Variants in EXT1 observed in about 807,000 individuals in gnomAD.
The protein encoded by EXT1 is exostosin glycosyltransferase 1.
EXT1 carries 20 observed loss-of-function variants against 82.5 expected under a neutral mutation model. The ratio of observed to expected loss-of-function variants is 0.24; its 90% CI spans 0.17 to 0.35. EXT1 has a LOEUF of 0.35. EXT1 is among the 10% of genes least tolerant of loss of function. The pLI is 1.00. For synonymous variants in EXT1, 348 were observed against 350.8 expected, an observed-to-expected ratio of 0.99 and a Z score of 0.09; for missense variants, 757 against 936.5, an observed-to-expected ratio of 0.81 and a Z score of 2.50.
chr8:117,854,807 T>C (rs1232687652), intron 1 of EXT1, among the ~76,000 whole-genome samples: 8 of 152,236 alleles, frequency 5.3e-5, no homozygotes. Context: ...CCCAGAGTTA[T>C]ATAGCCAGAG....
intron 1 of EXT1, among the ~76,000 whole-genome samples, chr8:118,017,984 A>G (rs1816031410): frequency 6.6e-6 from 1 of 152,240 alleles, no homozygotes; most frequent in Non-Finnish European, 1.5e-5. Flanking sequence ...CTTAACTGTC[A>G]AGAAGGGGAT....
intron 1 of EXT1, among the ~76,000 whole-genome samples, chr8:117,845,463 C>G (rs967060123): frequency 1.3e-5 from 2 of 151,964 alleles, no homozygotes. Context: ...CAACATGTAC[C>G]AGGTGTAGCT....
At chr8:117,973,146 TG>T (rs1814975046) in intron 1 of EXT1, among the ~76,000 whole-genome samples, 1 of 152,194 alleles carries the variant, frequency 6.6e-6, no homozygotes, top group African/African-American at 2.4e-5. Flanking sequence ...GGTGTTTCTG[TG>T]TGGAAGTGAA....
intron 1 of EXT1, among the ~76,000 whole-genome samples, chr8:117,976,270 T>C (rs527629920): frequency 1.3e-5 from 2 of 152,294 alleles, no homozygotes; most frequent in East Asian, 1.9e-4. Flanking sequence ...TTTGAGGCTA[T>C]ATAGCCAACA....
At chr8:118,038,069 A>C (rs1363594337) in intron 1 of EXT1, among the ~76,000 whole-genome samples, 2 of 151,690 alleles carry the variant, frequency 1.3e-5, no homozygotes, top group Non-Finnish European at 2.9e-5. Flanking sequence ...CAGGTGATTC[A>C]CCTGCCTCGG....
chr8:117,948,231 T>C (rs1814425029), intron 1 of EXT1, among the ~76,000 whole-genome samples: 1 of 148,688 alleles, frequency 6.7e-6, no homozygotes. Context: ...AGCAGGTTGG[T>C]CTTGCAAGGA....
At chr8:117,988,675 G>A (rs535227197) in intron 1 of EXT1, among the ~76,000 whole-genome samples, 4 of 152,238 alleles carry the variant, frequency 2.6e-5, no homozygotes, top group South Asian at 2.1e-4. Context: ...GGCCTGCAAG[G>A]TGCAGCAGGA....
At chr8:118,036,179 C>T (rs1474411766) in intron 1 of EXT1, among the ~76,000 whole-genome samples, 1 of 151,726 alleles carries the variant, frequency 6.6e-6, no homozygotes, top group Non-Finnish European at 1.5e-5. Flanking sequence ...CAGACATCTT[C>T]ACACAGATAT....
intron 1 of EXT1, among the ~76,000 whole-genome samples, chr8:117,891,342 C>T (rs542580418): frequency 7.9e-5 from 12 of 152,276 alleles, no homozygotes; most frequent in African/African-American, 2.6e-4. Flanking sequence ...TGTAAAACTC[C>T]TATCATTAAA....
At chr8:117,851,680 T>C (rs2129831978) in intron 1 of EXT1, among the ~76,000 whole-genome samples, 1 of 151,880 alleles carries the variant, frequency 6.6e-6, no homozygotes, top group African/African-American at 2.4e-5. Context: ...TGCATTTGTA[T>C]GGAGGGTGCA....
intron 1 of EXT1, among the ~76,000 whole-genome samples, chr8:117,900,611 T>C (rs1813425267): frequency 6.6e-6 from 1 of 152,192 alleles, no homozygotes. Flanking sequence ...TAAGCTGCTA[T>C]ATTTGCCAAG....
chr8:117,851,462 C>T (rs1023241539), intron 1 of EXT1, among the ~76,000 whole-genome samples: 1 of 149,878 alleles, frequency 6.7e-6, no homozygotes, highest in African/African-American at 2.4e-5. Flanking sequence ...AGTGCTTAAG[C>T]TGCCTTAAAT....
intron 1 of EXT1, among the ~76,000 whole-genome samples, chr8:118,045,224 T>C (rs535005127): frequency 6.6e-6 from 1 of 152,288 alleles, no homozygotes; most frequent in African/African-American, 2.4e-5. Flanking sequence ...TAGAAATAAA[T>C]ATACTCAGGA....
At chr8:117,862,984 G>C (rs550937351) in intron 1 of EXT1, among the ~76,000 whole-genome samples, 1 of 152,268 alleles carries the variant, frequency 6.6e-6, no homozygotes, top group East Asian at 1.9e-4. Context: ...GGTGGGAGTG[G>C]TGGAGGTGTT....
chr8:117,983,316 T>A (rs1246297291), intron 1 of EXT1, among the ~76,000 whole-genome samples: 1 of 152,068 alleles, frequency 6.6e-6, no homozygotes, highest in African/African-American at 2.4e-5. Flanking sequence ...AGATCCTGCC[T>A]TTATAAAAAA....
chr8:117,803,150 G>A (rs927694056), intron 10 of EXT1, among the ~76,000 whole-genome samples: 6 of 151,942 alleles, frequency 3.9e-5, no homozygotes, highest in African/African-American at 7.3e-5. Context: ...ATGATTTAAC[G>A]TGAGTGAATC....
At chr8:117,957,222 GT>G (rs1281592928) in intron 1 of EXT1, among the ~76,000 whole-genome samples, 1 of 152,196 alleles carries the variant, frequency 6.6e-6, no homozygotes, top group Non-Finnish European at 1.5e-5. Flanking sequence ...TGTTTTAAGA[GT>G]TTTTTACATC....
intron 1 of EXT1, among the ~76,000 whole-genome samples, chr8:117,860,332 A>T (rs7008526): frequency 0.035 from 5,271 of 152,206 alleles, 297 homozygotes; most frequent in African/African-American, 0.12. Flanking sequence ...GTGAAAGAAC[A>T]CATACTGGAG....
In EXT1 at chr8:118,111,697, AGGCGGC is replaced by A. The variant is rs886062641; in HGVS notation, c.-657_-652del. ...CCGGGACGCGCGGCGGCCCGGCTGG[AGGCGGC>A]GGCGGCGGCGGCGCTGGGTGGCGGC... On this transcript the variant is annotated 5_prime_UTR_variant, in exon 1 of 11. Transcript: ENST00000378204. 13 of 197,000 alleles carry A rather than the reference AGGCGGC, an allele frequency of 6.6e-5. No homozygotes were observed. Among genetic ancestry groups the A allele is most frequent in the Non-Finnish European group, 1.1e-4 (11 of 97,842 alleles). 12.2% of individuals were successfully genotyped at this position (197,000 alleles called of 1,614,324 possible). A position where few individuals can be genotyped will look rare whatever the true frequency, so the allele number is the denominator to read the frequency against.
Sources: allele counts gnomAD v4.1 joint callset (sites outside exome capture counted in the v4.1 genomes callset), GRCh38; gene constraint gnomAD v4.1.1; transcripts MANE v1.5; gene names NCBI Gene and HGNC (gene_info 2026-07-23, HGNC 2026-07-21).